Variants in NUDT4 observed in about 807,000 individuals in gnomAD.
The protein encoded by NUDT4 is diphosphoinositol polyphosphate phosphohydrolase 2.
In NUDT4, 5 loss-of-function variants were observed where a neutral mutation model predicts 23.1. The observed-to-expected ratio is 0.22, with a 90% CI of 0.11 to 0.46. NUDT4 has a LOEUF of 0.46. NUDT4 is among the 20% of genes least tolerant of loss of function. NUDT4 has a pLI of 0.99. For synonymous variants in NUDT4, 50 were observed against 79.0 expected (o/e 0.63, Z 1.95); for missense variants, 96 against 211.6 (o/e 0.45, Z 3.39).
Position 93,394,862 on chromosome 12 carries a change from T to G in NUDT4, c.210+143T>G. ...TTTTAATTTTAATTTTTTTTTTTAT[T>G]TTTTGAGATGGAGTCTCGCTCTGTT... On this transcript the variant is annotated intron_variant, in intron 2 of 4. Transcript: ENST00000415493. The G allele has an allele frequency of 7.2e-6, 4 of 554,358 alleles. No homozygotes were observed. The South Asian group carries it at 7.3e-5, about 10-fold the overall frequency. 34.3% of individuals were successfully genotyped at this position (554,358 alleles called of 1,614,324 possible). A position where few individuals can be genotyped will look rare whatever the true frequency, so the allele number is the denominator to read the frequency against.
intron 1 of NUDT4, among the ~76,000 whole-genome samples, chr12:93,385,971 A>ATATATATATATATG: frequency 1.0e-5 from 1 of 98,180 alleles, no homozygotes; most frequent in Admixed American, 1.2e-4. Context: ...ATATATATAT[A>ATATATATATATATG]CATAATTTTT....
chr12:93,387,323 A>C (rs1378132454), intron 1 of NUDT4, among the ~76,000 whole-genome samples: 15 of 152,210 alleles, frequency 9.9e-5, no homozygotes, highest in Admixed American at 9.8e-4. Flanking sequence ...AGAAAAATCT[A>C]CATTGATGAT....
intron 1 of NUDT4, among the ~76,000 whole-genome samples, chr12:93,389,676 G>A (rs192796626): frequency 1.3e-5 from 2 of 151,972 alleles, no homozygotes; most frequent in Non-Finnish European, 2.9e-5. Context: ...GCCGAGGCAG[G>A]TGGATCACGA....
rs578171522 is a variant in NUDT4 at position 93,377,957 on chromosome 12, G to C, written c.-366G>C. Reference sequence around the variant, plus strand: ...GCGGTGCTGCTGCTCAGTGGGAGCGGGTCTTCGCAACTGTCTCCGCGTGGC... The same window carrying C: ...GCGGTGCTGCTGCTCAGTGGGAGCGCGTCTTCGCAACTGTCTCCGCGTGGC... On this transcript the variant is annotated 5_prime_UTR_variant, in exon 1 of 5. Coordinates refer to ENST00000415493, the MANE Select transcript of NUDT4 (RefSeq NM_019094.6). 11 of 272,634 alleles carry C rather than the reference G, an allele frequency of 4.0e-5. No homozygotes were observed. Among genetic ancestry groups the C allele is most frequent in the South Asian group, 1.1e-4 (3 of 28,442 alleles). 16.9% of individuals were successfully genotyped at this position (272,634 alleles called of 1,614,324 possible).
rs1295579505 is a variant in NUDT4 at position 93,405,661 on chromosome 12, G to GA, written c.*6286dup. On this transcript the variant is annotated 3_prime_UTR_variant, in exon 5 of 5. Transcript: ENST00000415493. ...AGTGCAGGGGTGAGTGTATAGTTAAGAAAACAAACAATATATTACTAGTCC... is the reference window on the plus strand; with the variant it reads ...AGTGCAGGGGTGAGTGTATAGTTAAGAAAAACAAACAATATATTACTAGTCC... The GA allele has an allele frequency of 6.6e-6, 1 of 152,162 alleles. No individual in the cohort carries two copies. The highest frequency in any genetic ancestry group is 1.5e-5 in the Non-Finnish European group (1 of 68,026). 9.4% of individuals were successfully genotyped at this position (152,162 alleles called of 1,614,324 possible).
rs536314612 is a variant in NUDT4, at chr12:93,405,833, C to A, written c.*6454C>A. 34 of 152,268 alleles carry A rather than the reference C, an allele frequency of 2.2e-4. No individual in the cohort carries two copies. Among genetic ancestry groups the A allele is most frequent in the African/African-American group, 7.9e-4 (33 of 41,550 alleles). The allele number at this position is 152,268 out of a possible 1,614,324, so 9.4% of individuals were successfully genotyped here. On this transcript the variant is annotated 3_prime_UTR_variant, in exon 5 of 5. Transcript: ENST00000415493. ...GCCAAGTAGCTAAATGAAATATCAT[C>A]CCAGCCCAAAAGTACTTATTCGAAT...
At chr12:93,385,775 A>G (rs2120883500) in intron 1 of NUDT4, among the ~76,000 whole-genome samples, 1 of 151,802 alleles carries the variant, frequency 6.6e-6, no homozygotes, top group East Asian at 1.9e-4. Context: ...ATTATTTGAA[A>G]TCAATATTAT....
intron 1 of NUDT4, 133 bp downstream of exon 1, chr12:93,378,554 C>T (rs1048971542): frequency 6.9e-6 from 9 of 1,311,856 alleles, no homozygotes; most frequent in Non-Finnish European, 8.8e-6. Flanking sequence ...TCCCTCCTTT[C>T]CTCCCTCACT....
chr12:93,387,828 A>G (rs1676033271), intron 1 of NUDT4, among the ~76,000 whole-genome samples: 1 of 151,852 alleles, frequency 6.6e-6, no homozygotes, highest in Non-Finnish European at 1.5e-5. Flanking sequence ...GGACTGTTTT[A>G]ATTGTCCTTC....
rs1342379001 is a variant in NUDT4, at chr12:93,405,600, T to C, written c.*6221T>C. On this transcript the variant is annotated 3_prime_UTR_variant, in exon 5 of 5. Coordinates refer to ENST00000415493, the MANE Select transcript of NUDT4 (RefSeq NM_019094.6). Reference sequence around the variant, plus strand: ...AAGTTAGTACCATAAAGCCAACTCTTGGAATATACCTGACTTCCACGATAA... The same window carrying C: ...AAGTTAGTACCATAAAGCCAACTCTCGGAATATACCTGACTTCCACGATAA... The C allele has an allele frequency of 1.3e-5, 2 of 152,208 alleles. No homozygotes were observed. The highest frequency in any genetic ancestry group is 2.9e-5 in the Non-Finnish European group (2 of 68,044). The allele number at this position is 152,208 out of a possible 1,614,324, so 9.4% of individuals were successfully genotyped here.
chr12:93,391,685 A>G (rs1016897983), intron 1 of NUDT4, among the ~76,000 whole-genome samples: 4 of 152,114 alleles, frequency 2.6e-5, no homozygotes, highest in African/African-American at 9.7e-5. Flanking sequence ...TGCAGTCAGC[A>G]GAGATTGTGT....
intron 1 of NUDT4, chr12:93,381,163 T>TATTA (rs1875634606): frequency 6.6e-6 from 1 of 152,210 alleles, no homozygotes; most frequent in African/African-American, 2.4e-5. Context: ...GGTAAATAAG[T>TATTA]ATTAGTATTT....
intron 1 of NUDT4, among the ~76,000 whole-genome samples, chr12:93,383,109 C>T (rs1259624413): frequency 8.7e-5 from 13 of 150,006 alleles, no homozygotes; most frequent in Non-Finnish European, 1.6e-4. Flanking sequence ...TGGTATAGCT[C>T]AAGCTTTTCT....
chr12:93,404,140 C>CT lies in NUDT4; in HGVS notation c.*4764dup, dbSNP rs1329463298. 1 of 152,164 alleles carries CT rather than the reference C, an allele frequency of 6.6e-6. No individual in the cohort carries two copies. Among genetic ancestry groups the CT allele is most frequent in the African/African-American group, 2.4e-5 (1 of 41,430 alleles). The allele number at this position is 152,164 out of a possible 1,614,324, so 9.4% of individuals were successfully genotyped here. A position where few individuals can be genotyped will look rare whatever the true frequency, so the allele number is the denominator to read the frequency against. On this transcript the variant is annotated 3_prime_UTR_variant, in exon 5 of 5. Coordinates refer to ENST00000415493, the MANE Select transcript of NUDT4 (RefSeq NM_019094.6). ...TCCTCAAATTCATGTTAGTGAAGTA[C>CT]TTTCATTTGGCCATCATTATTTATC...
intron 1 of NUDT4, among the ~76,000 whole-genome samples, chr12:93,390,788 G>A (rs1876441557): frequency 6.6e-6 from 1 of 152,000 alleles, no homozygotes; most frequent in East Asian, 1.9e-4. Context: ...GTATTTTTTT[G>A]TAGAGGGAGT....
At chr12:93,389,739 A>G (rs763760479) in intron 1 of NUDT4, among the ~76,000 whole-genome samples, 6 of 151,564 alleles carry the variant, frequency 4.0e-5, no homozygotes, top group Non-Finnish European at 8.8e-5. Context: ...CATCTCTACT[A>G]AAAGTACCAA....
In NUDT4 at chr12:93,378,631, G is replaced by A. The variant is rs187300375; in HGVS notation, c.99+210G>A. 1.8e-4 allele frequency: 217 copies of A among 1,211,464 alleles called. No individual in the cohort carries two copies. The African/African-American group carries it at 3.1e-3, about 17-fold the overall frequency. The allele number at this position is 1,211,464 out of a possible 1,614,324, so 75.0% of individuals were successfully genotyped here. A position where few individuals can be genotyped will look rare whatever the true frequency, so the allele number is the denominator to read the frequency against. On this transcript the variant is annotated intron_variant, in intron 1 of 4. Transcript: ENST00000415493. The stretch of plus-strand genomic sequence containing the variant: ...AGATGAGACAAAGGGGGCTCGCCCA[G>A]CCCCAGTTTCTCCATCTGGGCACTC...
At position 93,378,372 on chromosome 12, in the gene NUDT4, T is replaced by C; in HGVS notation, c.50T>C (p.Phe17Ser). Residue 17 changes from phenylalanine to serine, a missense_variant, in exon 1 of 5, where the codon TTC becomes TCC. Phe to Ser is a radical substitution (Grantham distance 155). Coordinates refer to ENST00000415493, the MANE Select transcript of NUDT4 (RefSeq NM_019094.6). ...NQTRTYDREG[F>S]KKRAACLCFR... ...ACGCGGACCTACGACCGCGAGGGCTTCAAGAAGCGGGCGGCGTGCCTGTGC... is the reference window on the plus strand; with the variant it reads ...ACGCGGACCTACGACCGCGAGGGCTCCAAGAAGCGGGCGGCGTGCCTGTGC... The C allele has an allele frequency of 6.5e-7, 1 of 1,550,298 alleles. No individual in the cohort carries two copies. The highest frequency in any genetic ancestry group is 8.7e-7 in the Non-Finnish European group (1 of 1,147,350).
intron 1 of NUDT4, among the ~76,000 whole-genome samples, chr12:93,385,429 A>G (rs1328043351): frequency 2.0e-5 from 3 of 152,196 alleles, no homozygotes; most frequent in Non-Finnish European, 2.9e-5. Context: ...GGTTGAATGC[A>G]TCTTCCTTCA....
Sources: gnomAD v4.1 joint callset for allele counts (sites outside exome capture counted in the v4.1 genomes callset) on GRCh38, gnomAD v4.1.1 for gene constraint, MANE v1.5 for transcripts, NCBI Gene and HGNC (gene_info 2026-07-23, HGNC 2026-07-21) for gene names.